The following TRAK1 variants were observed in gnomAD, a reference collection of about 807,000 sequenced individuals.
The protein encoded by TRAK1 is trafficking kinesin-binding protein 1.
Under a neutral mutation model 92.1 loss-of-function variants are expected in TRAK1, and 33 were observed. That is an observed-to-expected ratio of 0.36 (90% CI 0.27 to 0.48). The LOEUF is 0.48. TRAK1 is among the 20% of genes least tolerant of loss of function. TRAK1 has a pLI of 0.99. For synonymous variants in TRAK1, 521 were observed against 517.3 expected, an observed-to-expected ratio of 1.01 and a Z score of -0.10; for missense variants, 1,123 against 1,257.9, an observed-to-expected ratio of 0.89 and a Z score of 1.62.
At chr3:42,198,586 G>C (rs916118807) in intron 10 of TRAK1, among the ~76,000 whole-genome samples, 2 of 152,146 alleles carry the variant, frequency 1.3e-5, no homozygotes, top group Non-Finnish European at 2.9e-5. Flanking sequence ...CGTCACGTCT[G>C]TAGAGACCCT....
intron 5 of TRAK1, 27 bp downstream of exon 5, chr3:42,188,172 G>C (rs1197618771): frequency 6.2e-7 from 1 of 1,609,742 alleles, no homozygotes; most frequent in Non-Finnish European, 8.5e-7. Flanking sequence ...CTGTATTTCT[G>C]GAGGCCAGAG....
intron 1 of TRAK1, among the ~76,000 whole-genome samples, chr3:42,053,401 A>T (rs1339160440): frequency 1.1e-5 from 1 of 90,072 alleles, no homozygotes; most frequent in Non-Finnish European, 2.4e-5. Context: ...GGGATGGCAA[A>T]GGGGGAGGGT....
At chr3:42,218,071 C>T (rs1478964757) in intron 14 of TRAK1, 1 of 985,314 alleles carries the variant, frequency 1.0e-6, no homozygotes, top group African/African-American at 1.7e-5. Flanking sequence ...ACACACAGAC[C>T]CGAGTCAGAC....
chr3:42,126,518 T>G (rs1488988544), intron 2 of TRAK1, among the ~76,000 whole-genome samples: 1 of 152,200 alleles, frequency 6.6e-6, no homozygotes, highest in Non-Finnish European at 1.5e-5. Context: ...AAAAAAAGGA[T>G]AATTTAAAAA....
intron 1 of TRAK1, among the ~76,000 whole-genome samples, chr3:42,017,683 CTA>C (rs1261908712): frequency 2.0e-5 from 3 of 152,102 alleles, no homozygotes; most frequent in African/African-American, 7.2e-5. Context: ...TGCTTAAAGG[CTA>C]TGATAGGCAT....
In TRAK1 at chr3:42,201,010, C is replaced by G. The variant is rs1707458777; in HGVS notation, c.1383C>G (p.Asn461Lys). The stretch of plus-strand genomic sequence containing the variant: ...ACATAGGCAACGTCGTCCTCGACAA[C>G]AAGACCAACAGCATCATTCTGGAAA... ...GSDIGNVVLDNKTNSIILETE... is the reference protein window; with the variant it reads ...GSDIGNVVLDKKTNSIILETE... Residue 461 changes from asparagine (N) to lysine (K), a missense_variant, in exon 12 of 16, where the codon AAC becomes AAG. Physicochemically the swap from Asn to Lys is moderately conservative, Grantham distance 94. This residue lies in a region of TRAK1 where 686 missense variants were observed against 747.6 expected (regional missense o/e 0.92). Transcript: ENST00000327628. 1.2e-6 allele frequency: 2 copies of G among 1,614,072 alleles called. No individual in the cohort carries two copies. The highest frequency in any genetic ancestry group is 1.3e-5 in the African/African-American group (1 of 74,920).
intron 3 of TRAK1, among the ~76,000 whole-genome samples, chr3:42,182,242 A>G (rs1374168834): frequency 1.3e-5 from 2 of 151,886 alleles, no homozygotes; most frequent in African/African-American, 4.8e-5. Flanking sequence ...CAGAAAGGCA[A>G]GGTCATGATG....
At chr3:42,096,263 C>T (rs1255705025) in intron 1 of TRAK1, among the ~76,000 whole-genome samples, 1 of 152,076 alleles carries the variant, frequency 6.6e-6, no homozygotes, top group Non-Finnish European at 1.5e-5. Context: ...TTATTTCTAT[C>T]TTTTTTTGAG....
intron 1 of TRAK1, among the ~76,000 whole-genome samples, chr3:42,093,502 T>A (rs7371986): frequency 0.51 from 77,400 of 151,196 alleles, 21,091 homozygotes; most frequent in South Asian, 0.68. Flanking sequence ...TTTGTAAGTT[T>A]TTTTCCATGT....
chr3:42,112,338 G>A (rs1356552551), intron 1 of TRAK1, among the ~76,000 whole-genome samples: 3 of 149,112 alleles, frequency 2.0e-5, no homozygotes, highest in Non-Finnish European at 4.5e-5. Context: ...TGAGGCACAA[G>A]AATCACTTGA....
In TRAK1 at chr3:42,211,165, G is replaced by A. The variant is rs959858635; in HGVS notation, c.1963+1180G>A. 3.0e-6 allele frequency: 3 copies of A among 985,274 alleles called. No individual in the cohort carries two copies. In the African/African-American group the frequency reaches 5.2e-5, roughly 17 times the overall value. 61.0% of individuals were successfully genotyped at this position (985,274 alleles called of 1,614,324 possible). ...TTTGTGATTCATAATTTTCATTTGTGAAGGCCACAACACTCCCCTTGAAAT... is the reference window on the plus strand; with the variant it reads ...TTTGTGATTCATAATTTTCATTTGTAAAGGCCACAACACTCCCCTTGAAAT... On this transcript the variant is annotated intron_variant, in intron 14 of 15. Transcript: ENST00000327628.
At chr3:42,083,368 T>A (rs1475464090), upstream of TRAK1, among the ~76,000 whole-genome samples, 3 of 152,218 alleles carry the variant, frequency 2.0e-5, no homozygotes, top group Non-Finnish European at 4.4e-5. Flanking sequence ...CGGTTTAATT[T>A]CCCTGCCAGT....
intron 12 of TRAK1, among the ~76,000 whole-genome samples, chr3:42,201,925 C>G (rs984342493): frequency 1.1e-4 from 17 of 150,966 alleles, no homozygotes; most frequent in Non-Finnish European, 2.5e-4. Flanking sequence ...CACACACACA[C>G]ACACACCATT....
At chr3:42,101,342 T>A (rs1706723441) in intron 1 of TRAK1, among the ~76,000 whole-genome samples, 1 of 151,946 alleles carries the variant, frequency 6.6e-6, no homozygotes, top group Admixed American at 6.6e-5. Context: ...ATAGCAAGAG[T>A]GATTCAGGAA....
chr3:42,195,075 A>T, intron 10 of TRAK1, 134 bp downstream of exon 10: 3 of 1,092,234 alleles, frequency 2.7e-6, no homozygotes, highest in South Asian at 1.8e-5. Flanking sequence ...CTGAGTCTGA[A>T]TCAAGGACAC....
At chr3:42,039,722 T>G (rs1169058875) in intron 1 of TRAK1, among the ~76,000 whole-genome samples, 2 of 152,230 alleles carry the variant, frequency 1.3e-5, no homozygotes. Context: ...CAGGTTTTTG[T>G]GTGGATGTAT....
intron 2 of TRAK1, among the ~76,000 whole-genome samples, chr3:42,135,566 A>G (rs1355563166): frequency 6.6e-6 from 1 of 152,170 alleles, no homozygotes; most frequent in Non-Finnish European, 1.5e-5. Context: ...ATCTCTACAA[A>G]AAAAGAAAAA....
At chr3:42,068,760 T>C (rs1703786079) in intron 1 of TRAK1, among the ~76,000 whole-genome samples, 1 of 152,216 alleles carries the variant, frequency 6.6e-6, no homozygotes, top group African/African-American at 2.4e-5. Context: ...GTGGTAACTG[T>C]AGAGCAGTCA....
chr3:42,027,571 ATAAAG>A (rs898079438), intron 1 of TRAK1, among the ~76,000 whole-genome samples: 5 of 152,166 alleles, frequency 3.3e-5, no homozygotes, highest in Admixed American at 6.5e-5. Context: ...TTTCTTCAAA[ATAAAG>A]TAAATATATC....
Sources: gnomAD v4.1 joint callset for allele counts (sites outside exome capture counted in the v4.1 genomes callset) on GRCh38, gnomAD v4.1.1 for gene constraint, gnomAD v4.1.1 regional missense constraint, MANE v1.5 for transcripts, NCBI Gene and HGNC (gene_info 2026-07-23, HGNC 2026-07-21) for gene names.